TEX11: variants seen among roughly 807,000 people sequenced by gnomAD.
The protein encoded by TEX11 is testis expressed 11.
A neutral mutation model predicts 84.4 loss-of-function variants in TEX11; 7 were observed. That is an observed-to-expected ratio of 0.08 (90% CI 0.05 to 0.16). TEX11 has a LOEUF of 0.16. Among genes scored for constraint, TEX11 ranks in the 10% least tolerant of loss-of-function variants. The pLI, the probability that TEX11 is intolerant of heterozygous loss-of-function variation, is 1.00. For synonymous variants in TEX11, 264 were observed against 222.8 expected, an observed-to-expected ratio of 1.18 and a Z score of -1.64; for missense variants, 551 against 660.5, an observed-to-expected ratio of 0.83 and a Z score of 1.82.
intron 15 of TEX11, among the ~76,000 whole-genome samples, chrX:70,671,831 A>G (rs2090024177): frequency 9.7e-6 from 1 of 102,839 alleles, no homozygotes; most frequent in Non-Finnish European, 2.0e-5. Context: ...TTATTGAGGT[A>G]CAATTGACAT....
chrX:70,860,425 A>G (rs953874753), intron 5 of TEX11, among the ~76,000 whole-genome samples: 3 of 111,881 alleles, frequency 2.7e-5, no homozygotes, highest in African/African-American at 9.7e-5. Flanking sequence ...TAATCTTCCA[A>G]TGTCACATAG....
At chrX:70,707,818 C>A (rs1313182792) in intron 13 of TEX11, among the ~76,000 whole-genome samples, 1 of 110,416 alleles carries the variant, frequency 9.1e-6, no homozygotes, top group Admixed American at 9.8e-5. Context: ...TCTCCAGGAG[C>A]AACCAACCTT....
intron 9 of TEX11, among the ~76,000 whole-genome samples, chrX:70,771,585 A>G (rs1286510725): frequency 2.7e-5 from 3 of 112,239 alleles, no homozygotes; most frequent in Non-Finnish European, 5.6e-5. Flanking sequence ...CATTTCAATG[A>G]TTCTGTTTTT....
At chrX:70,875,177 C>T (rs1449177507) in intron 3 of TEX11, among the ~76,000 whole-genome samples, 1 of 108,778 alleles carries the variant, frequency 9.2e-6, no homozygotes, top group Non-Finnish European at 1.9e-5. Context: ...GACTCTGTCT[C>T]AATAAAAATA....
intron 9 of TEX11, among the ~76,000 whole-genome samples, chrX:70,753,197 TG>T (rs1349819149): frequency 1.2e-3 from 7 of 5,930 alleles, no homozygotes; most frequent in African/African-American, 1.7e-3. Context: ...GGAATTTGGG[TG>T]GGGGGGGTGG....
intron 9 of TEX11, among the ~76,000 whole-genome samples, chrX:70,746,409 T>G (rs946061407): frequency 9.0e-6 from 1 of 111,352 alleles, no homozygotes; most frequent in African/African-American, 3.3e-5. Context: ...ATCCTGATCA[T>G]CTTTACTCCA....
downstream of TEX11, among the ~76,000 whole-genome samples, chrX:70,525,333 C>T (rs1350627047): frequency 9.0e-6 from 1 of 111,691 alleles, no homozygotes; most frequent in Non-Finnish European, 1.9e-5. Flanking sequence ...CACCTGTAAT[C>T]CCAGCACACT....
chrX:70,718,419 TG>T (rs1187570508), intron 13 of TEX11, among the ~76,000 whole-genome samples: 1 of 112,073 alleles, frequency 8.9e-6, no homozygotes, highest in East Asian at 2.8e-4. Context: ...GATTATTCCT[TG>T]CCAAAAGCAT....
intron 8 of TEX11, among the ~76,000 whole-genome samples, chrX:70,824,808 C>A (rs1375490481): frequency 8.9e-6 from 1 of 111,767 alleles, no homozygotes; most frequent in African/African-American, 3.2e-5. Flanking sequence ...AACAGATAAA[C>A]CTCTGCCAAG....
rs867556336 is a variant in TEX11 at position 70,788,731 on chromosome X, G to C, written c.692+17974C>G. ...ACACACACACACACACACACACACA[G>C]GGGAAAAACTACATGGCCTGGTCTG... On this transcript the variant is annotated intron_variant, in intron 9 of 29. Transcript: ENST00000374333. 8.6e-3 allele frequency among the ~76,000 whole-genome samples: 521 copies of C among 60,633 alleles called. 5 individuals are homozygous for C. The highest frequency in any genetic ancestry group is 0.025 in the Middle Eastern group (3 of 121). 52.7% of individuals were successfully genotyped at this position (60,633 alleles called of 115,157 possible).
chrX:70,844,781 A>G (rs1448334443), intron 7 of TEX11, among the ~76,000 whole-genome samples: 2 of 109,952 alleles, frequency 1.8e-5, no homozygotes, highest in Non-Finnish European at 3.8e-5. Context: ...ACAAAACAAA[A>G]CAAAAAAGCC....
chrX:70,828,994 T>C (rs2091361458), intron 8 of TEX11, among the ~76,000 whole-genome samples: 1 of 111,654 alleles, frequency 9.0e-6, no homozygotes, highest in South Asian at 3.8e-4. Context: ...GGATAGTATA[T>C]CCAGCAGAAA....
chrX:70,816,989 G>A (rs2091289787), intron 8 of TEX11, among the ~76,000 whole-genome samples: 1 of 110,342 alleles, frequency 9.1e-6, no homozygotes, highest in African/African-American at 3.3e-5. Context: ...ATACATTAAG[G>A]ATAATTGAAG....
chrX:70,907,457 A>G (rs749566494), intron 2 of TEX11, among the ~76,000 whole-genome samples: 8 of 109,615 alleles, frequency 7.3e-5, no homozygotes, highest in Non-Finnish European at 1.3e-4. Flanking sequence ...CCCAGGCTGG[A>G]GCGCAGTGGC....
chrX:70,706,346 T>C (rs2090375735), intron 13 of TEX11, among the ~76,000 whole-genome samples: 3 of 109,738 alleles, frequency 2.7e-5, no homozygotes, highest in South Asian at 8.1e-4. Flanking sequence ...TTAGGAGATA[T>C]ACCTAATGTA....
intron 25 of TEX11, among the ~76,000 whole-genome samples, chrX:70,575,032 T>G (rs1248125829): frequency 9.0e-6 from 1 of 111,488 alleles, no homozygotes; most frequent in Non-Finnish European, 1.9e-5. Flanking sequence ...AGGACCGGAT[T>G]ATCTATGGCC....
intron 9 of TEX11, among the ~76,000 whole-genome samples, chrX:70,781,994 G>C (rs1225602276): frequency 1.8e-5 from 2 of 110,746 alleles, no homozygotes; most frequent in African/African-American, 3.3e-5. Context: ...CTCAAGAAGA[G>C]CAACCACAAG....
intron 8 of TEX11, among the ~76,000 whole-genome samples, chrX:70,826,284 C>G: frequency 9.4e-6 from 1 of 106,065 alleles, no homozygotes; most frequent in South Asian, 4.4e-4. Flanking sequence ...GCACTCCAGC[C>G]TGGGCAACAA....
intron 17 of TEX11, among the ~76,000 whole-genome samples, chrX:70,646,578 A>G (rs2089745119): frequency 8.9e-6 from 1 of 112,485 alleles, no homozygotes; most frequent in Non-Finnish European, 1.9e-5. Flanking sequence ...ACCTGACAAG[A>G]CACTTCTCAA....
Sources: allele counts gnomAD v4.1 joint callset (sites outside exome capture counted in the v4.1 genomes callset), GRCh38; gene constraint gnomAD v4.1.1; transcripts MANE v1.5; gene names NCBI Gene and HGNC (gene_info 2026-07-23, HGNC 2026-07-21).